The following PIGK variants were observed in gnomAD, a reference collection of about 807,000 sequenced individuals.
PIGK encodes the protein phosphatidylinositol glycan anchor biosynthesis class K, also known as GPI-anchor transamidase.
A neutral mutation model predicts 50.6 loss-of-function variants in PIGK; 42 were observed. The observed-to-expected ratio is 0.83, with a 90% CI of 0.65 to 1.07. The LOEUF (loss-of-function observed/expected upper bound fraction) is 1.07, where lower values mean the gene tolerates loss of function less well. Among genes scored for constraint, PIGK ranks in the 50% least tolerant of loss-of-function variants. The pLI is 0.00. For synonymous variants in PIGK, 151 were observed against 156.0 expected, an observed-to-expected ratio of 0.97 and a Z score of 0.24; for missense variants, 448 against 488.7, an observed-to-expected ratio of 0.92 and a Z score of 0.78.
chr1:77,217,215 A>G (rs1173009973), intron 1 of PIGK, among the ~76,000 whole-genome samples: 1 of 152,220 alleles, frequency 6.6e-6, no homozygotes, highest in Non-Finnish European at 1.5e-5. Context: ...ATCTAATTGG[A>G]TAGATATACA....
At chr1:77,093,689 A>G (rs1382584289) in intron 10 of PIGK, among the ~76,000 whole-genome samples, 1 of 151,954 alleles carries the variant, frequency 6.6e-6, no homozygotes, top group Non-Finnish European at 1.5e-5. Flanking sequence ...CTTACCCTCA[A>G]CCTCTACCAG....
At chr1:77,111,982 T>G (rs1653858195) in intron 10 of PIGK, among the ~76,000 whole-genome samples, 1 of 152,188 alleles carries the variant, frequency 6.6e-6, no homozygotes, top group African/African-American at 2.4e-5. Flanking sequence ...GATTAGGCAC[T>G]GCTAAATATA....
intron 10 of PIGK, among the ~76,000 whole-genome samples, chr1:77,112,896 C>T (rs1653885534): frequency 1.3e-5 from 2 of 152,084 alleles, no homozygotes; most frequent in Admixed American, 1.3e-4. Flanking sequence ...GCAAAGCATA[C>T]ATATGCCCCT....
At chr1:77,198,292 T>C (rs1186790942) in intron 3 of PIGK, among the ~76,000 whole-genome samples, 2 of 152,118 alleles carry the variant, frequency 1.3e-5, no homozygotes, top group Non-Finnish European at 2.9e-5. Context: ...GGTCTGCCAC[T>C]ATGCAGCTGT....
intron 9 of PIGK, among the ~76,000 whole-genome samples, chr1:77,142,475 T>C (rs1387186227): frequency 1.3e-5 from 2 of 152,150 alleles, no homozygotes; most frequent in Admixed American, 1.3e-4. Context: ...ATCTGAGTCT[T>C]AGAGAGATTA....
chr1:77,169,614 G>A (rs1209129501), intron 3 of PIGK, among the ~76,000 whole-genome samples: 5 of 151,232 alleles, frequency 3.3e-5, no homozygotes, highest in African/African-American at 4.8e-5. Context: ...AAGTTATGAA[G>A]GCACTTTAAT....
intron 10 of PIGK, among the ~76,000 whole-genome samples, chr1:77,117,294 A>G (rs1654000681): frequency 6.6e-6 from 1 of 152,258 alleles, no homozygotes; most frequent in Non-Finnish European, 1.5e-5. Flanking sequence ...AGGATGAATA[A>G]GAAAAATTAT....
At chr1:77,131,721 C>G (rs964383160) in intron 9 of PIGK, among the ~76,000 whole-genome samples, 1 of 151,928 alleles carries the variant, frequency 6.6e-6, no homozygotes, top group African/African-American at 2.4e-5. Flanking sequence ...ATTTTCTAAT[C>G]CTGAATCATT....
chr1:77,130,331 T>C (rs1439711293), intron 9 of PIGK, among the ~76,000 whole-genome samples: 2 of 132,814 alleles, frequency 1.5e-5, no homozygotes, highest in Middle Eastern at 8.0e-3. Flanking sequence ...AAAAAAGACA[T>C]TCTGCAATAA....
rs961642154 is a variant in PIGK at position 77,147,846 on chromosome 1, G to T, written c.986+6603C>A. The stretch of plus-strand genomic sequence containing the variant: ...AGTAAGACATATGCAGAAACAAAGG[G>T]TTGTTACTATATAACTTTATCTTAC... On this transcript the variant is annotated intron_variant, in intron 9 of 10. Coordinates refer to ENST00000370812, the MANE Select transcript of PIGK (RefSeq NM_005482.3). 7.2e-5 allele frequency among the ~76,000 whole-genome samples: 11 copies of T among 152,308 alleles called. No homozygotes were observed. In the East Asian group the frequency reaches 2.1e-3, roughly 29 times the overall value.
At chr1:77,108,697 G>A (rs898898204) in intron 10 of PIGK, among the ~76,000 whole-genome samples, 4 of 152,134 alleles carry the variant, frequency 2.6e-5, no homozygotes, top group Non-Finnish European at 5.9e-5. Flanking sequence ...TTCCAAGTTG[G>A]TTCCATTCTC....
intron 3 of PIGK, among the ~76,000 whole-genome samples, chr1:77,174,489 G>C (rs928032823): frequency 3.9e-5 from 6 of 152,170 alleles, no homozygotes; most frequent in Non-Finnish European, 8.8e-5. Flanking sequence ...TCCGACTTTG[G>C]GGAGTATCGG....
chr1:77,200,359 G>A lies in PIGK; in HGVS notation c.239+6281C>T, dbSNP rs148448812. Among the ~76,000 whole-genome samples the A allele has an allele frequency of 6.0e-4, 91 of 152,054 alleles. 1 individual carries two copies. The highest frequency in any genetic ancestry group is 2.0e-3 in the African/African-American group (84 of 41,510). On this transcript the variant is annotated intron_variant, in intron 3 of 10. Transcript: ENST00000370812. Reference sequence around the variant, plus strand: ...AAAAATAAAAATATGAAAAAAGTAAGAAAATGATAAAATCAGAGAAGCATT... The same window carrying A: ...AAAAATAAAAATATGAAAAAAGTAAAAAAATGATAAAATCAGAGAAGCATT...
At chr1:77,205,055 A>T (rs1502525) in intron 3 of PIGK, among the ~76,000 whole-genome samples, 35,403 of 152,076 alleles carry the variant, frequency 0.23, 5,096 homozygotes, top group Non-Finnish European at 0.32. Context: ...AACCTACTAA[A>T]CATAATATAC....
At chr1:77,163,972 AT>A in intron 5 of PIGK, 30 bp from the exon 6 acceptor site, 2 of 1,245,602 alleles carry the variant, frequency 1.6e-6, no homozygotes, top group Non-Finnish European at 2.3e-6. Context: ...AGATCAATAG[AT>A]TTTTTAATGC....
At chr1:77,199,556 T>A (rs1656114137) in intron 3 of PIGK, among the ~76,000 whole-genome samples, 1 of 151,814 alleles carries the variant, frequency 6.6e-6, no homozygotes, top group East Asian at 1.9e-4. Context: ...CCAAATATGA[T>A]TATCAATATA....
intron 3 of PIGK, among the ~76,000 whole-genome samples, chr1:77,199,698 G>A (rs1656117653): frequency 6.6e-6 from 1 of 151,856 alleles, no homozygotes; most frequent in African/African-American, 2.4e-5. Flanking sequence ...TCTACACACA[G>A]GGAAACAAAG....
At chr1:77,128,677 C>T (rs1654285603) in intron 9 of PIGK, among the ~76,000 whole-genome samples, 1 of 152,186 alleles carries the variant, frequency 6.6e-6, no homozygotes, top group African/African-American at 2.4e-5. Flanking sequence ...TGAGCACTTA[C>T]TCTGAACTCT....
chr1:77,133,237 CAA>C (rs1295382284), intron 9 of PIGK, among the ~76,000 whole-genome samples: 1 of 152,030 alleles, frequency 6.6e-6, no homozygotes, highest in Non-Finnish European at 1.5e-5. Flanking sequence ...GTACTGTCTT[CAA>C]GTTCACTAAT....
Sources: allele counts gnomAD v4.1 joint callset (sites outside exome capture counted in the v4.1 genomes callset), GRCh38; gene constraint gnomAD v4.1.1; transcripts MANE v1.5; gene names NCBI Gene and HGNC (gene_info 2026-07-23, HGNC 2026-07-21).